CFAP210: variants seen among roughly 807,000 people sequenced by gnomAD.
CFAP210 encodes the protein cilia and flagella associated protein 210.
At chr2:169,657,734 A>C in the CFAP210 span, among the ~76,000 whole-genome samples, 3 of 150,800 alleles carry the variant, frequency 2.0e-5, no homozygotes, top group East Asian at 1.9e-4. Context: ...AAATGAAACA[A>C]AAAAAAAATA....
chr2:169,663,438 C>T, the CFAP210 span, among the ~76,000 whole-genome samples: 1 of 152,118 alleles, frequency 6.6e-6, no homozygotes, highest in Non-Finnish European at 1.5e-5. Context: ...TGGACTGAAG[C>T]AATCCTCCCG....
the CFAP210 span, among the ~76,000 whole-genome samples, chr2:169,692,311 A>G: frequency 6.6e-6 from 1 of 152,130 alleles, no homozygotes; most frequent in Non-Finnish European, 1.5e-5. Context: ...ATAGAAATTT[A>G]TTGGCTTATG....
the CFAP210 span, among the ~76,000 whole-genome samples, chr2:169,678,680 C>T: frequency 0.24 from 36,642 of 151,696 alleles, 4,633 homozygotes; most frequent in Non-Finnish European, 0.27. Context: ...CAAAAATTAG[C>T]CGGGCATGAT....
the CFAP210 span, among the ~76,000 whole-genome samples, chr2:169,687,481 C>T: frequency 6.6e-6 from 1 of 151,826 alleles, no homozygotes; most frequent in East Asian, 1.9e-4. Context: ...AACAAAGGGG[C>T]TGCAGGACCC....
chr2:169,660,607 T>A, the CFAP210 span, among the ~76,000 whole-genome samples: 27,952 of 128,488 alleles, frequency 0.22, 2,813 homozygotes, highest in South Asian at 0.3. Context: ...TATATATATT[T>A]TTTTTTTTTT....
chr2:169,658,758 T>A, the CFAP210 span: 1 of 318,454 alleles, frequency 3.1e-6, no homozygotes, highest in South Asian at 3.0e-5. Context: ...GTTAGTCTGA[T>A]CATTCAAATG....
At chr2:169,674,991 A>G in the CFAP210 span, 2 of 1,542,914 alleles carry the variant, frequency 1.3e-6, no homozygotes, top group East Asian at 2.4e-5. Context: ...TTCTGCCTCT[A>G]TTTCTTCATC....
the CFAP210 span, chr2:169,661,074 A>G: frequency 3.7e-6 from 2 of 538,104 alleles, no homozygotes; most frequent in Non-Finnish European, 3.7e-6. Context: ...GGGTGGGAGA[A>G]TATGGCGTAC....
At chr2:169,659,425 A>G in the CFAP210 span, 367 of 154,728 alleles carry the variant, frequency 2.4e-3, no homozygotes, top group African/African-American at 8.4e-3. Flanking sequence ...ATCATGGCAT[A>G]AGGCAAAGAG....
the CFAP210 span, chr2:169,650,246 A>G: frequency 7.5e-7 from 1 of 1,325,262 alleles, no homozygotes. Context: ...GTTTTTGGTT[A>G]GAGAGGCAGA....
chr2:169,660,653 G>C, the CFAP210 span, among the ~76,000 whole-genome samples: 1 of 149,924 alleles, frequency 6.7e-6, no homozygotes, highest in African/African-American at 2.5e-5. Context: ...GCCCAGGCTG[G>C]AGTGCAGTGG....
the CFAP210 span, chr2:169,660,998 A>C: frequency 2.1e-6 from 1 of 482,588 alleles, no homozygotes; most frequent in Non-Finnish European, 4.1e-6. Flanking sequence ...AGTTCATCAA[A>C]CCAGAGTGTG....
chr2:169,646,171 C>T, the CFAP210 span: 6 of 1,606,432 alleles, frequency 3.7e-6, no homozygotes, highest in Non-Finnish European at 5.1e-6. Flanking sequence ...TTGCATTAAA[C>T]TTATTTTTGG....
At chr2:169,655,992 G>A in the CFAP210 span, among the ~76,000 whole-genome samples, 3 of 152,324 alleles carry the variant, frequency 2.0e-5, no homozygotes, top group South Asian at 2.1e-4. Flanking sequence ...AAGACTACAT[G>A]TGCAGCTTTC....
chr2:169,651,397 A>G, the CFAP210 span, among the ~76,000 whole-genome samples: 1 of 151,850 alleles, frequency 6.6e-6, no homozygotes, highest in Non-Finnish European at 1.5e-5. Flanking sequence ...TTAAAAAAAA[A>G]GAAAAAAAAT....
the CFAP210 span, among the ~76,000 whole-genome samples, chr2:169,683,747 C>G: frequency 6.6e-6 from 1 of 152,106 alleles, no homozygotes; most frequent in Non-Finnish European, 1.5e-5. Context: ...CATCTCAAAT[C>G]TTTAGTAGAG....
the CFAP210 span, among the ~76,000 whole-genome samples, chr2:169,654,873 G>C: frequency 6.6e-6 from 1 of 152,062 alleles, no homozygotes; most frequent in Admixed American, 6.5e-5. Context: ...AGTGTAGCGA[G>C]CGTCCTTCCA....
At chr2:169,649,716 G>T in the CFAP210 span, among the ~76,000 whole-genome samples, 2 of 152,018 alleles carry the variant, frequency 1.3e-5, no homozygotes. Context: ...ATCACCTCGG[G>T]AGGTCAGGAG....
chr2:169,670,510 T>G, the CFAP210 span, among the ~76,000 whole-genome samples: 3 of 152,388 alleles, frequency 2.0e-5, no homozygotes, highest in East Asian at 5.8e-4. Context: ...TGAACACTTA[T>G]TATCTCATAC....
Sources: allele counts gnomAD v4.1 joint callset (sites outside exome capture counted in the v4.1 genomes callset), GRCh38; gene constraint gnomAD v4.1.1; transcripts MANE v1.5; gene names NCBI Gene and HGNC (gene_info 2026-07-23, HGNC 2026-07-21).